PEX5L: variants seen among roughly 807,000 people sequenced by gnomAD.
PEX5L encodes the protein peroxisomal biogenesis factor 5 like.
Under a neutral mutation model 84.0 loss-of-function variants are expected in PEX5L, and 30 were observed. That is an observed-to-expected ratio of 0.36 (90% CI 0.27 to 0.48). The LOEUF (loss-of-function observed/expected upper bound fraction) is 0.48. PEX5L is among the 20% of genes least tolerant of loss of function. The pLI, the probability that PEX5L is intolerant of heterozygous loss-of-function variation, is 0.99. For missense variants in PEX5L, 533 were observed against 754.6 expected, an observed-to-expected ratio of 0.71 and a Z score of 3.44; for synonymous variants, 270 against 283.1, an observed-to-expected ratio of 0.95 and a Z score of 0.46.
rs943463969 is a variant in PEX5L, at chr3:179,910,171, T to G, written c.94-11925A>C. On this transcript the variant is annotated intron_variant, in intron 2 of 14. Transcript: ENST00000467460. Reference sequence around the variant, plus strand: ...TTCATAGGGATTGAAAACCAGAAATTTGGAAGCCTTGGCCTCCTACAACAT... The same window carrying G: ...TTCATAGGGATTGAAAACCAGAAATGTGGAAGCCTTGGCCTCCTACAACAT... 2.0e-5 allele frequency among the ~76,000 whole-genome samples: 3 copies of G among 152,150 alleles called. No individual in the cohort carries two copies. The East Asian group carries it at 5.8e-4, about 29-fold the overall frequency.
At chr3:179,908,720 T>C (rs1282019614) in intron 2 of PEX5L, among the ~76,000 whole-genome samples, 3 of 151,830 alleles carry the variant, frequency 2.0e-5, no homozygotes, top group Non-Finnish European at 4.4e-5. Flanking sequence ...TATGTGGTGT[T>C]TGGTTTTTTG....
chr3:179,989,344 CTT>C (rs1403924045), intron 1 of PEX5L, among the ~76,000 whole-genome samples: 2 of 152,146 alleles, frequency 1.3e-5, no homozygotes, highest in Admixed American at 1.3e-4. Flanking sequence ...TTAGGTATAA[CTT>C]TTTCAGAAAT....
intron 5 of PEX5L, among the ~76,000 whole-genome samples, chr3:179,878,930 G>C (rs2108765010): frequency 6.6e-6 from 1 of 152,282 alleles, no homozygotes; most frequent in African/African-American, 2.4e-5. Context: ...CATAGTTTGT[G>C]CTGGGAATAT....
At chr3:179,866,161 T>G (rs1314708043) in intron 7 of PEX5L, among the ~76,000 whole-genome samples, 1 of 152,170 alleles carries the variant, frequency 6.6e-6, no homozygotes, top group Non-Finnish European at 1.5e-5. Context: ...TAACAGATTT[T>G]TAAAAGGAAT....
intron 2 of PEX5L, among the ~76,000 whole-genome samples, chr3:179,960,549 G>A (rs1027848246): frequency 6.6e-6 from 1 of 152,188 alleles, no homozygotes; most frequent in African/African-American, 2.4e-5. Flanking sequence ...TGCTACTGTT[G>A]TTCATAAAAG....
intron 1 of PEX5L, among the ~76,000 whole-genome samples, chr3:180,033,664 A>T (rs1791653199): frequency 6.6e-6 from 1 of 152,220 alleles, no homozygotes; most frequent in African/African-American, 2.4e-5. Flanking sequence ...GTTTTGTCAG[A>T]ACCGATGCTA....
chr3:179,982,304 T>C (rs1329440953), intron 1 of PEX5L, among the ~76,000 whole-genome samples: 1 of 152,184 alleles, frequency 6.6e-6, no homozygotes, highest in African/African-American at 2.4e-5. Flanking sequence ...ATGCAAAATA[T>C]TGAAGTATGT....
intron 1 of PEX5L, among the ~76,000 whole-genome samples, chr3:179,997,745 T>C (rs1468043677): frequency 6.6e-6 from 1 of 152,228 alleles, no homozygotes; most frequent in Non-Finnish European, 1.5e-5. Flanking sequence ...CCAGATGTGA[T>C]TTCATTGCTG....
chr3:179,975,288 A>C (rs73883447), intron 1 of PEX5L, among the ~76,000 whole-genome samples: 12,357 of 152,264 alleles, frequency 0.081, 808 homozygotes, highest in African/African-American at 0.19. Context: ...ACAACAATGA[A>C]ATCTGATGGG....
intron 8 of PEX5L, among the ~76,000 whole-genome samples, chr3:179,829,780 T>C: frequency 6.7e-6 from 1 of 150,050 alleles, no homozygotes; most frequent in African/African-American, 2.4e-5. Context: ...ATCTTTTTTT[T>C]TTTTTTTTTT....
chr3:179,880,912 C>T (rs1271475795), intron 4 of PEX5L: 3 of 152,188 alleles, frequency 2.0e-5, no homozygotes, highest in African/African-American at 7.2e-5. Context: ...GTTTGACTAG[C>T]TCATTGTGAG....
chr3:179,893,277 AC>A (rs1222980045), intron 3 of PEX5L, among the ~76,000 whole-genome samples: 1 of 152,124 alleles, frequency 6.6e-6, no homozygotes, highest in Non-Finnish European at 1.5e-5. Context: ...AGCTCTTAAA[AC>A]TTTATCTGAA....
intron 2 of PEX5L, among the ~76,000 whole-genome samples, chr3:179,931,729 T>G (rs1773175237): frequency 6.6e-6 from 1 of 152,200 alleles, no homozygotes; most frequent in Non-Finnish European, 1.5e-5. Context: ...ACAGCCCAAT[T>G]AACTCGAATG....
chr3:180,003,196 T>G (rs1788581474), intron 1 of PEX5L, among the ~76,000 whole-genome samples: 1 of 152,178 alleles, frequency 6.6e-6, no homozygotes, highest in African/African-American at 2.4e-5. Context: ...ACAAGGTGAT[T>G]CAGAAAACTC....
At chr3:179,811,387 G>T (rs1438033748) in intron 11 of PEX5L, among the ~76,000 whole-genome samples, 2 of 152,096 alleles carry the variant, frequency 1.3e-5, no homozygotes, top group Non-Finnish European at 2.9e-5. Flanking sequence ...GTCAAGTAGG[G>T]TGTAATATTA....
At chr3:179,857,914 C>CT (rs760004480) in intron 8 of PEX5L, among the ~76,000 whole-genome samples, 7 of 151,772 alleles carry the variant, frequency 4.6e-5, no homozygotes, top group African/African-American at 1.7e-4. Flanking sequence ...TATTCATTAG[C>CT]TTTTTTTTAA....
rs112285009 is a variant in PEX5L, at chr3:180,024,381, CA to C, written c.21+12197del. 5.0e-3 allele frequency among the ~76,000 whole-genome samples: 502 copies of C among 100,888 alleles called. 13 individuals carry two copies. The highest frequency in any genetic ancestry group is 0.016 in the Middle Eastern group (3 of 190). 66.2% of individuals were successfully genotyped at this position (100,888 alleles called of 152,430 possible). ...ATATATATATATATATATACACACACAAAAAAAAAAAAAATTAGCCGTGCGT... is the reference window on the plus strand; with the variant it reads ...ATATATATATATATATATACACACACAAAAAAAAAAAAATTAGCCGTGCGT... On this transcript the variant is annotated intron_variant, in intron 1 of 14. Transcript: ENST00000467460.
At chr3:180,034,770 T>G (rs568291698) in intron 1 of PEX5L, among the ~76,000 whole-genome samples, 5 of 152,140 alleles carry the variant, frequency 3.3e-5, no homozygotes, top group Non-Finnish European at 7.4e-5. Context: ...CAGCAAAGAT[T>G]TGTGAGTTTT....
chr3:180,016,194 G>GA (rs1369766066), intron 1 of PEX5L, among the ~76,000 whole-genome samples: 1 of 151,970 alleles, frequency 6.6e-6, no homozygotes, highest in African/African-American at 2.4e-5. Flanking sequence ...CTTATCTCCA[G>GA]AAAAATGTGG....
Sources: gnomAD v4.1 joint callset for allele counts (sites outside exome capture counted in the v4.1 genomes callset) on GRCh38, gnomAD v4.1.1 for gene constraint, MANE v1.5 for transcripts, NCBI Gene and HGNC (gene_info 2026-07-23, HGNC 2026-07-21) for gene names.